The following PRSS50 variants were observed in gnomAD, a reference collection of about 807,000 sequenced individuals.
The protein encoded by PRSS50 is serine protease 50.
Under a neutral mutation model 34.2 loss-of-function variants are expected in PRSS50, and 23 were observed. The observed-to-expected ratio is 0.67, with a 90% CI of 0.48 to 0.95. PRSS50 has a LOEUF of 0.95. Among genes scored for constraint, PRSS50 ranks in the 40% least tolerant of loss-of-function variants. The pLI is 0.00. For missense variants in PRSS50, 484 were observed against 513.4 expected, an observed-to-expected ratio of 0.94 and a Z score of 0.55; for synonymous variants, 224 against 211.2, an observed-to-expected ratio of 1.06 and a Z score of -0.53.
At chr3:46,712,815 C>G in intron 5 of PRSS50, 86 bp downstream of exon 5, 1 of 1,487,218 alleles carries the variant, frequency 6.7e-7, no homozygotes, top group Non-Finnish European at 9.2e-7. Context: ...CTTCCCCTAC[C>G]CAACCTCCAC....
Position 46,714,236 on chromosome 3 carries a change from C to T in PRSS50, c.736G>A (p.Gly246Arg), listed in dbSNP as rs1210130963. The stretch of plus-strand genomic sequence containing the variant: ...GACTCACCGTCAGCCTTGGAAAGTC[C>T]CCAGCCCGTCACAGTGCAGCGGGAA... ...DHSRCTVTGW[G>R]LSKADGMWPQ... The change falls in exon 4 of 6, where the codon GGA becomes AGA. Residue 246 changes from glycine (G) to arginine (R), a missense_variant. Coordinates refer to ENST00000315170, the MANE Select transcript of PRSS50 (RefSeq NM_013270.5). 2 of 1,614,034 alleles carry T rather than the reference C, an allele frequency of 1.2e-6. No individual in the cohort carries two copies. Among genetic ancestry groups the T allele is most frequent in the Non-Finnish European group, 1.7e-6 (2 of 1,179,988 alleles).
Position 46,712,892 on chromosome 3 carries a change from G to A in PRSS50, c.921+9C>T. On this transcript the variant is annotated intron_variant, in intron 5 of 5. Coordinates refer to ENST00000315170, the MANE Select transcript of PRSS50 (RefSeq NM_013270.5). ...CCTGAAGGGGAGTGAGCGAGGAGAG[G>A]CCGCTCACATAGCAGAACTTCTCCC... 6.2e-7 allele frequency: 1 copy of A among 1,613,528 alleles called. No individual in the cohort carries two copies. Among genetic ancestry groups the A allele is most frequent in the Non-Finnish European group, 8.5e-7 (1 of 1,179,624 alleles).
rs1441657954 is a variant in PRSS50 at position 46,712,460 on chromosome 3, ACCAAGGGCTCT to A, written c.933_943del (p.Glu312LeufsTer98). The A allele has an allele frequency of 1.2e-6, 2 of 1,613,862 alleles. No individual in the cohort carries two copies. The highest frequency in any genetic ancestry group is 2.7e-5 in the African/African-American group (2 of 74,892). On this transcript the variant is annotated frameshift_variant, in exon 6 of 6. Coordinates refer to ENST00000315170, the MANE Select transcript of PRSS50 (RefSeq NM_013270.5). LOFTEE classifies it low-confidence loss of function (END_TRUNC). Reference sequence around the variant, plus strand: ...GTACCACGTGCCCTCCATGGAGCAGACCAAGGGCTCTCCAGTTAGCTCCTGTGGGAAGGGTT... The same window carrying A: ...GTACCACGTGCCCTCCATGGAGCAGACCAGTTAGCTCCTGTGGGAAGGGTT...
chr3:46,713,175 G>T, intron 4 of PRSS50, 108 bp from the exon 5 acceptor site: 1 of 1,337,556 alleles, frequency 7.5e-7, no homozygotes, highest in Non-Finnish European at 1.0e-6. Context: ...TTCTGCTTTA[G>T]CCACACACCT....
At position 46,712,955 on chromosome 3, in the gene PRSS50, G is replaced by T; in HGVS notation, c.867C>A (p.Ile289=). 1 of 1,614,188 alleles carries T rather than the reference G, an allele frequency of 6.2e-7. No individual in the cohort carries two copies. The highest frequency in any genetic ancestry group is 8.5e-7 in the Non-Finnish European group (1 of 1,180,028). ...NFTKIPTLVQ[I]IKSQMMCAED... ...CCGCACACATCATCTGGGACTTGATGATCTGAACCAGAGTGGGGATTTTGG... is the reference window on the plus strand; with the variant it reads ...CCGCACACATCATCTGGGACTTGATTATCTGAACCAGAGTGGGGATTTTGG... Residue 289 remains isoleucine, a synonymous_variant, in exon 5 of 6, where the codon ATC becomes ATA. Transcript: ENST00000315170.
intron 3 of PRSS50, 119 bp from the exon 4 acceptor site, chr3:46,714,620 C>T (rs1700657914): frequency 8.6e-7 from 1 of 1,156,256 alleles, no homozygotes; most frequent in Non-Finnish European, 1.2e-6. Flanking sequence ...CACCCACCCG[C>T]TTCAAGCCCC....
Position 46,712,961 on chromosome 3 carries a change from A to ATC in PRSS50, c.860_861insGA (p.Gln288IlefsTer8), listed in dbSNP as rs1700638689. ...ACATCATCTGGGACTTGATGATCTG[A>ATC]ACCAGAGTGGGGATTTTGGTGAAGT... is the stretch of plus-strand genomic sequence containing the variant. On this transcript the variant is annotated frameshift_variant, in exon 5 of 6. Transcript: ENST00000315170. LOFTEE classifies it high-confidence loss of function. The ATC allele has an allele frequency of 2.5e-6, 4 of 1,614,116 alleles. No individual in the cohort carries two copies. The South Asian group carries it at 4.4e-5, about 18-fold the overall frequency.
At position 46,717,641 on chromosome 3, in the gene PRSS50, C is replaced by A. The variant is rs773675264; in HGVS notation, c.107-4G>T. ...GCTTCCCCTGCGCCCCAGCAACCTG[C>A]GGAGGACGTCGAGCGGATTAGAGGT... On this transcript the variant is annotated splice_region_variant and splice_polypyrimidine_tract_variant and intron_variant, in intron 1 of 5. Transcript: ENST00000315170. The surrounding 1 kb of genome is among the most constrained non-coding windows in gnomAD (Gnocchi z 4.5). 10 of 1,611,830 alleles carry A rather than the reference C, an allele frequency of 6.2e-6. No homozygotes were observed. The highest frequency in any genetic ancestry group is 7.6e-6 in the Non-Finnish European group (9 of 1,179,146).
chr3:46,717,365 G>T lies in PRSS50; in HGVS notation c.307+72C>A. 1.3e-6 allele frequency: 2 copies of T among 1,550,508 alleles called. No individual in the cohort carries two copies. On this transcript the variant is annotated intron_variant, in intron 2 of 5. Coordinates refer to ENST00000315170, the MANE Select transcript of PRSS50 (RefSeq NM_013270.5). This position sits in a 1 kb window ranked among gnomAD's most constrained non-coding sequence, Gnocchi z 4.5. ...CGCCCCCGTCCCTTCTGCTCCCCTA[G>T]CCCCAGCCAAGGTCCTTAAGACTCC...
rs1332012499 is a variant in PRSS50 at position 46,716,581 on chromosome 3, A to G, written c.307+856T>C. On this transcript the variant is annotated intron_variant, in intron 2 of 5. Coordinates refer to ENST00000315170, the MANE Select transcript of PRSS50 (RefSeq NM_013270.5). This position sits in a 1 kb window ranked among gnomAD's most constrained non-coding sequence, Gnocchi z 4.4. The stretch of plus-strand genomic sequence containing the variant: ...CTCCAGCCTGAAAATGCAGATTTCA[A>G]TCATGATGAGATTCTGCTCTGTACC... Among the ~76,000 whole-genome samples, 1 of 152,176 alleles carries G rather than the reference A, an allele frequency of 6.6e-6. No individual in the cohort carries two copies. Among genetic ancestry groups the G allele is most frequent in the East Asian group, 1.9e-4 (1 of 5,192 alleles).
chr3:46,712,556 C>T (rs1035529686), intron 5 of PRSS50, 74 bp from the exon 6 acceptor site: 44 of 1,401,586 alleles, frequency 3.1e-5, no homozygotes, highest in Middle Eastern at 1.8e-4. Flanking sequence ...CCAGGACAGG[C>T]GGGATGTCCT....
Position 46,715,640 on chromosome 3 carries a change from C to G in PRSS50, c.365G>C (p.Arg122Pro), listed in dbSNP as rs761616741. ...PTLRDPEAVA[R>P]RWPWMVSVRA... is the part of the protein sequence containing the mutation. ...CACGCTGACCATCCAGGGCCACCGC[C>G]GAGCCACGGCTTCTGGGTCCCTGAG... The change falls in exon 3 of 6, where the codon CGG (arginine) becomes CCG (proline). Residue 122 changes from arginine to proline, a missense_variant. By Grantham distance (103) the Arg-to-Pro change is moderately radical. Coordinates refer to ENST00000315170, the MANE Select transcript of PRSS50 (RefSeq NM_013270.5). The surrounding 1 kb of genome is among the most constrained non-coding windows in gnomAD (Gnocchi z 5.2). The G allele has an allele frequency of 1.5e-5, 24 of 1,611,528 alleles. No individual in the cohort carries two copies. The Admixed American group carries it at 2.5e-4, about 17-fold the overall frequency.
chr3:46,712,856 C>T (rs1213828106), intron 5 of PRSS50, 45 bp downstream of exon 5: 2 of 1,602,434 alleles, frequency 1.2e-6, no homozygotes, highest in Non-Finnish European at 1.7e-6. Context: ...GATGCCTCTC[C>T]CCCAGGTGCC....
Position 46,717,396 on chromosome 3 carries a change from C to T in PRSS50, c.307+41G>A. 1 of 1,603,208 alleles carries T rather than the reference C, an allele frequency of 6.2e-7. No homozygotes were observed. The highest frequency in any genetic ancestry group is 8.5e-7 in the Non-Finnish European group (1 of 1,171,948). On this transcript the variant is annotated intron_variant, in intron 2 of 5. Transcript: ENST00000315170. This position sits in a 1 kb window ranked among gnomAD's most constrained non-coding sequence, Gnocchi z 4.5. ...GCCAAGGTCCTTAAGACTCCTCTGT[C>T]ACCCTCCTTGCCCCACGGAGTCTAC...
chr3:46,715,077 TC>T lies in PRSS50; in HGVS notation c.470+457del, dbSNP rs1467323161. Among the ~76,000 whole-genome samples, 1 of 152,228 alleles carries T rather than the reference TC, an allele frequency of 6.6e-6. No homozygotes were observed. The highest frequency in any genetic ancestry group is 2.4e-5 in the African/African-American group (1 of 41,464). Reference sequence around the variant, plus strand: ...CACCAACCAGGCACCCTTGTGAGCATCTATCTTCCTTTCTGTCTCCCCCAAC... The same window carrying T: ...CACCAACCAGGCACCCTTGTGAGCATTATCTTCCTTTCTGTCTCCCCCAAC... On this transcript the variant is annotated intron_variant, in intron 3 of 5. Transcript: ENST00000315170. The surrounding 1 kb of genome is among the most constrained non-coding windows in gnomAD (Gnocchi z 5.2).
At chr3:46,713,773 G>A (rs1319076174) in intron 4 of PRSS50, among the ~76,000 whole-genome samples, 2 of 152,212 alleles carry the variant, frequency 1.3e-5, no homozygotes, top group Non-Finnish European at 2.9e-5. Flanking sequence ...GGCCCACTGA[G>A]GGGAGGGGAA....
chr3:46,714,078 A>G, intron 4 of PRSS50, 140 bp downstream of exon 4: 1 of 1,115,298 alleles, frequency 9.0e-7, no homozygotes, highest in Non-Finnish European at 1.2e-6. Flanking sequence ...CTCAGAGATG[A>G]GAGCCTGGCA....
At chr3:46,713,571 C>T (rs947867321) in intron 4 of PRSS50, among the ~76,000 whole-genome samples, 1 of 152,246 alleles carries the variant, frequency 6.6e-6, no homozygotes, top group Non-Finnish European at 1.5e-5. Context: ...CCAGGTCCTC[C>T]CACATGGGCT....
In PRSS50 at chr3:46,713,155, G is replaced by A. The variant is rs138763590; in HGVS notation, c.755-88C>T. ...TCGTCCTCTCTCCACTGTTCCCCAC[G>A]TCCCACCTTTTCTGCTTTAGCCACA... On this transcript the variant is annotated intron_variant, in intron 4 of 5. Transcript: ENST00000315170. The A allele has an allele frequency of 3.4e-4, 499 of 1,486,554 alleles. 4 individuals are homozygous for A. In the African/African-American group the frequency reaches 5.5e-3, roughly 17 times the overall value. The allele number at this position is 1,486,554 out of a possible 1,614,324, so 92.1% of individuals were successfully genotyped here.
Sources: allele counts gnomAD v4.1 joint callset (sites outside exome capture counted in the v4.1 genomes callset), GRCh38; gene constraint gnomAD v4.1.1; non-coding constraint Gnocchi (gnomAD v3.1); transcripts MANE v1.5; gene names NCBI Gene and HGNC (gene_info 2026-07-23, HGNC 2026-07-21).